GPC6: variants seen among roughly 807,000 people sequenced by gnomAD.
GPC6 encodes glypican 6, also known as glypican-6.
In GPC6, 14 loss-of-function variants were observed where a neutral mutation model predicts 55.2. The observed-to-expected ratio is 0.25, with a 90% confidence interval of 0.17 to 0.40. GPC6 has a LOEUF of 0.40. Ranked by LOEUF, GPC6 falls within the 10% of genes least tolerant of loss-of-function variation. GPC6 has a pLI of 1.00. For synonymous variants in GPC6, 278 were observed against 259.6 expected, an observed-to-expected ratio of 1.07 and a Z score of -0.68; for missense variants, 641 against 708.5, an observed-to-expected ratio of 0.90 and a Z score of 1.08.
chr13:93,578,248 A>C (rs1362793340), intron 2 of GPC6, among the ~76,000 whole-genome samples: 3 of 151,898 alleles, frequency 2.0e-5, no homozygotes, highest in South Asian at 2.1e-4. Context: ...CCTCCTGTTC[A>C]ATTTTTTTTA....
In GPC6 at chr13:94,027,759, C is replaced by T. The variant is rs1882957379; in HGVS notation, c.742C>T (p.Leu248Phe). 1.9e-6 allele frequency: 3 copies of T among 1,614,030 alleles called. No homozygotes were observed. Among genetic ancestry groups the T allele is most frequent in the Non-Finnish European group, 1.7e-6 (2 of 1,179,994 alleles). Residue 248 changes from leucine to phenylalanine, a missense_variant, in exon 4 of 9, where the codon CTC becomes TTC. By Grantham distance (22) the Leu-to-Phe change is conservative. Coordinates refer to ENST00000377047, the MANE Select transcript of GPC6 (RefSeq NM_005708.5). Reference protein sequence around the residue: ...VSPTPGCIRALMKMLYCPYCR... With the variant: ...VSPTPGCIRAFMKMLYCPYCR... ...CCCAACCCCAGGGTGTATCCGTGCC[C>T]TCATGAAGATGCTGTACTGCCCATA...
intron 1 of GPC6, among the ~76,000 whole-genome samples, chr13:93,305,964 A>C (rs74847135): frequency 0.013 from 1,929 of 152,324 alleles, 34 homozygotes; most frequent in African/African-American, 0.043. Flanking sequence ...CAGATTACCA[A>C]AAGATTAAGG....
intron 4 of GPC6, among the ~76,000 whole-genome samples, chr13:94,240,147 C>T (rs1205234469): frequency 1.3e-5 from 2 of 152,030 alleles, no homozygotes; most frequent in African/African-American, 2.4e-5. Context: ...AAAGTTCCCC[C>T]TCTCCTGCCA....
chr13:93,386,739 C>T (rs1285864888), intron 1 of GPC6, among the ~76,000 whole-genome samples: 1 of 152,168 alleles, frequency 6.6e-6, no homozygotes, highest in Non-Finnish European at 1.5e-5. Context: ...AATTTATTCT[C>T]TCACATTTTT....
chr13:93,703,128 G>C (rs895578893), intron 2 of GPC6, among the ~76,000 whole-genome samples: 4 of 151,714 alleles, frequency 2.6e-5, no homozygotes, highest in African/African-American at 9.7e-5. Flanking sequence ...ACTTCTACTT[G>C]AATACTTAGA....
At chr13:93,601,977 C>T (rs1040424005) in intron 2 of GPC6, among the ~76,000 whole-genome samples, 1 of 152,128 alleles carries the variant, frequency 6.6e-6, no homozygotes, top group African/African-American at 2.4e-5. Context: ...CTCCTTGTTC[C>T]TTTTTGCTTT....
At chr13:94,175,713 G>A (rs1408163209) in intron 4 of GPC6, among the ~76,000 whole-genome samples, 1 of 151,360 alleles carries the variant, frequency 6.6e-6, no homozygotes, top group African/African-American at 2.4e-5. Context: ...CTGTCTAAAG[G>A]ATTCTCTGTA....
chr13:94,134,385 T>C (rs1008046545), intron 4 of GPC6, among the ~76,000 whole-genome samples: 2 of 152,172 alleles, frequency 1.3e-5, no homozygotes, highest in African/African-American at 4.8e-5. Context: ...TTGAACCAAA[T>C]AGATCCTAGG....
chr13:94,147,870 G>C (rs1887616284), intron 4 of GPC6, among the ~76,000 whole-genome samples: 1 of 152,108 alleles, frequency 6.6e-6, no homozygotes, highest in African/African-American at 2.4e-5. Context: ...ATAAGATATA[G>C]GAAAAAAAGT....
At chr13:94,190,997 G>A (rs1201561660) in intron 4 of GPC6, among the ~76,000 whole-genome samples, 1 of 151,972 alleles carries the variant, frequency 6.6e-6, no homozygotes. Flanking sequence ...AAACAAATGA[G>A]GCAAAATGTT....
chr13:94,265,935 T>C (rs1209547953), intron 4 of GPC6, among the ~76,000 whole-genome samples: 4 of 152,184 alleles, frequency 2.6e-5, no homozygotes, highest in African/African-American at 4.8e-5. Context: ...AGAAAGTTTC[T>C]AGGCAATAGT....
intron 4 of GPC6, among the ~76,000 whole-genome samples, chr13:94,035,286 T>C (rs1281361833): frequency 2.0e-5 from 3 of 149,508 alleles, no homozygotes; most frequent in Non-Finnish European, 4.5e-5. Flanking sequence ...AAATATTTGA[T>C]GATTCTTTAC....
At chr13:93,623,838 A>G (rs188742086) in intron 2 of GPC6, among the ~76,000 whole-genome samples, 2 of 152,176 alleles carry the variant, frequency 1.3e-5, no homozygotes, top group Admixed American at 1.3e-4. Context: ...TCTCCTGATG[A>G]TTAGTGATGT....
intron 1 of GPC6, among the ~76,000 whole-genome samples, chr13:93,339,946 C>T (rs553549537): frequency 6.7e-6 from 1 of 149,008 alleles, no homozygotes; most frequent in African/African-American, 2.5e-5. Context: ...CAATCAGGCA[C>T]AATGTTTATT....
At chr13:94,398,830 AT>A (rs1881006537) in intron 8 of GPC6, among the ~76,000 whole-genome samples, 189 bp downstream of exon 8, 1 of 152,278 alleles carries the variant, frequency 6.6e-6, no homozygotes, top group Non-Finnish European at 1.5e-5. Context: ...GAATAAAATC[AT>A]AAATTCCACA....
chr13:94,297,527 A>G (rs957408368), intron 5 of GPC6, among the ~76,000 whole-genome samples: 2 of 152,180 alleles, frequency 1.3e-5, no homozygotes, highest in Non-Finnish European at 2.9e-5. Flanking sequence ...GGAAATATCA[A>G]GGTGTTTTGC....
At chr13:93,877,105 A>G (rs1874636478) in intron 3 of GPC6, among the ~76,000 whole-genome samples, 1 of 152,062 alleles carries the variant, frequency 6.6e-6, no homozygotes, top group African/African-American at 2.4e-5. Flanking sequence ...TGATTCCCTA[A>G]GCAGTAGAAA....
At chr13:94,167,145 A>T (rs544712428) in intron 4 of GPC6, among the ~76,000 whole-genome samples, 12 of 152,264 alleles carry the variant, frequency 7.9e-5, no homozygotes, top group African/African-American at 2.6e-4. Context: ...AATGTTATGG[A>T]AGTTTGAAGT....
intron 1 of GPC6, among the ~76,000 whole-genome samples, chr13:93,432,932 AAGG>A (rs1324602255): frequency 1.4e-5 from 2 of 137,972 alleles, no homozygotes; most frequent in Admixed American, 1.5e-4. Context: ...AGAATAGGAG[AAGG>A]AGAAGGCAGA....
Sources: allele counts gnomAD v4.1 joint callset (sites outside exome capture counted in the v4.1 genomes callset), GRCh38; gene constraint gnomAD v4.1.1; transcripts MANE v1.5; gene names NCBI Gene and HGNC (gene_info 2026-07-23, HGNC 2026-07-21).